The following OR8B3 variants were observed in gnomAD, a reference collection of about 807,000 sequenced individuals.
OR8B3 encodes olfactory receptor family 8 subfamily B member 3.
For missense variants in OR8B3, 278 were observed against 377.6 expected, an observed-to-expected ratio of 0.74 and a Z score of 2.19; for synonymous variants, 102 against 135.4, an observed-to-expected ratio of 0.75 and a Z score of 1.71.
chr11:124,397,357 G>A lies in OR8B3; in HGVS notation c.-6C>T, dbSNP rs1860907051. 2.3e-6 allele frequency: 3 copies of A among 1,288,120 alleles called. No homozygotes were observed. Among genetic ancestry groups the A allele is most frequent in the Non-Finnish European group, 1.1e-6 (1 of 930,696 alleles). 79.8% of individuals were successfully genotyped at this position (1,288,120 alleles called of 1,614,324 possible). A position where few individuals can be genotyped will look rare whatever the true frequency, so the allele number is the denominator to read the frequency against. ...GAGTTGTTTCTAGCCAGCATTTTTT[G>A]TCTTCAAAAATCTGGGAAGACAAAA... On this transcript the variant is annotated 5_prime_UTR_variant, in exon 2 of 2. Transcript: ENST00000641139.
the OR8B3 span, among the ~76,000 whole-genome samples, chr11:124,407,915 C>G: frequency 6.6e-6 from 1 of 152,110 alleles, no homozygotes; most frequent in East Asian, 1.9e-4. Context: ...ATCTTCCATT[C>G]CATGAATATC....
the OR8B3 span, among the ~76,000 whole-genome samples, chr11:124,409,592 C>A: frequency 6.6e-6 from 1 of 152,214 alleles, no homozygotes; most frequent in Non-Finnish European, 1.5e-5. Context: ...AAATCCTCTA[C>A]AGATGTTTAT....
chr11:124,403,101 C>T (rs1267473251), upstream of OR8B3, among the ~76,000 whole-genome samples: 1 of 152,166 alleles, frequency 6.6e-6, no homozygotes, highest in Non-Finnish European at 1.5e-5. Flanking sequence ...ATCCATTTAA[C>T]CCTGAGTGGA....
rs1287873033 is a variant in OR8B3, at chr11:124,396,183, G to T, written c.*227C>A. 8.1e-6 allele frequency: 4 copies of T among 493,360 alleles called. No individual in the cohort carries two copies. In the East Asian group the frequency reaches 1.4e-4, roughly 17 times the overall value. 30.6% of individuals were successfully genotyped at this position (493,360 alleles called of 1,614,324 possible). A position where few individuals can be genotyped will look rare whatever the true frequency, so the allele number is the denominator to read the frequency against. ...TAAAATGATAATGAAAAATATCAGTGCATATGTTCCTTTTACAAAGATGCC... is the reference window on the plus strand; with the variant it reads ...TAAAATGATAATGAAAAATATCAGTTCATATGTTCCTTTTACAAAGATGCC... On this transcript the variant is annotated 3_prime_UTR_variant, in exon 2 of 2. Coordinates refer to ENST00000641139, the MANE Select transcript of OR8B3 (RefSeq NM_001005467.2).
chr11:124,402,832 CTTCT>C (rs1451705290), upstream of OR8B3, among the ~76,000 whole-genome samples: 15 of 64,450 alleles, frequency 2.3e-4, no homozygotes, highest in South Asian at 6.6e-3. Context: ...ATAAATGATG[CTTCT>C]TTTTTTTTTT....
chr11:124,402,836 T>TC (rs1861017771), upstream of OR8B3, among the ~76,000 whole-genome samples: 1 of 8,588 alleles, frequency 1.2e-4, no homozygotes, highest in Non-Finnish European at 5.7e-4. Context: ...ATGATGCTTC[T>TC]TTTTTTTTTT....
rs768236256 is a variant in OR8B3 at position 124,396,872 on chromosome 11, G to C, written c.480C>G (p.Thr160=). The C allele has an allele frequency of 5.0e-6, 8 of 1,606,790 alleles. No homozygotes were observed. In the African/African-American group the frequency reaches 1.1e-4, roughly 22 times the overall value. ...IMGLAGATAH[T]GCMLRLTFCS... is the part of the protein sequence containing the mutation. ...AGAAGGTGAGTCTAAGCATGCACCC[G>C]GTGTGGGCCGTGGCTCCAGCCAATC... The change falls in exon 2 of 2, where the codon ACC becomes ACG. Residue 160 remains threonine (T), a synonymous_variant. Coordinates refer to ENST00000641139, the MANE Select transcript of OR8B3 (RefSeq NM_001005467.2).
At chr11:124,401,919 A>G (rs1448110495), upstream of OR8B3, among the ~76,000 whole-genome samples, 2 of 152,176 alleles carry the variant, frequency 1.3e-5, no homozygotes, top group Admixed American at 6.5e-5. Context: ...CTTGTCCACA[A>G]TGGTCTCTGT....
In OR8B3 at chr11:124,396,291, T is replaced by C; in HGVS notation, c.*119A>G. ...CAAGATGATTTCATAAGAGAAATGATAAGACAAGTTTATTAAATCACACAT... is the reference window on the plus strand; with the variant it reads ...CAAGATGATTTCATAAGAGAAATGACAAGACAAGTTTATTAAATCACACAT... On this transcript the variant is annotated 3_prime_UTR_variant, in exon 2 of 2. Coordinates refer to ENST00000641139, the MANE Select transcript of OR8B3 (RefSeq NM_001005467.2). 1 of 911,690 alleles carries C rather than the reference T, an allele frequency of 1.1e-6. No homozygotes were observed. Among genetic ancestry groups the C allele is most frequent in the Middle Eastern group, 3.3e-4 (1 of 2,992 alleles). The allele number at this position is 911,690 out of a possible 1,614,324, so 56.5% of individuals were successfully genotyped here.
At chr11:124,402,838 T>C (rs1240657635), upstream of OR8B3, among the ~76,000 whole-genome samples, 2 of 147,956 alleles carry the variant, frequency 1.4e-5, no homozygotes, top group African/African-American at 4.9e-5. Flanking sequence ...GATGCTTCTT[T>C]TTTTTTTTTT....
the OR8B3 span, among the ~76,000 whole-genome samples, chr11:124,406,765 G>T: frequency 5.1e-4 from 77 of 149,830 alleles, no homozygotes; most frequent in Admixed American, 8.7e-4. Flanking sequence ...TGGAATAAAA[G>T]AATTTGTTCT....
At position 124,396,792 on chromosome 11, in the gene OR8B3, A is replaced by G. The variant is rs1860884793; in HGVS notation, c.560T>C (p.Leu187Pro). ...GTTGACATAGGTGCTGGTGCAGGAA[A>G]GCTGGAGGAGGGGGAGTATGTCACA... is the stretch of plus-strand genomic sequence containing the variant. ...YLCDILPLLQ[L>P]SCTSTYVNEV... The change falls in exon 2 of 2, where the codon CTT becomes CCT. Residue 187 changes from leucine to proline, a missense_variant. Transcript: ENST00000641139. 3.7e-6 allele frequency: 6 copies of G among 1,612,164 alleles called. No individual in the cohort carries two copies. The African/African-American group carries it at 4.0e-5, about 11-fold the overall frequency.
chr11:124,405,733 C>T, the OR8B3 span, among the ~76,000 whole-genome samples: 1 of 152,200 alleles, frequency 6.6e-6, no homozygotes, highest in African/African-American at 2.4e-5. Context: ...GAATTTGTTT[C>T]ACGCCCTACA....
upstream of OR8B3, among the ~76,000 whole-genome samples, chr11:124,400,019 A>T (rs980491490): frequency 6.6e-6 from 1 of 151,688 alleles, no homozygotes; most frequent in Non-Finnish European, 1.5e-5. Context: ...TGCCACCACC[A>T]TTGGATAATT....
At chr11:124,397,672 T>G (rs1860913120) in intron 1 of OR8B3, among the ~76,000 whole-genome samples, 1 of 151,582 alleles carries the variant, frequency 6.6e-6, no homozygotes, top group African/African-American at 2.4e-5. Flanking sequence ...CTCCCTCGCT[T>G]CCATCTGGCC....
At chr11:124,406,793 CCACACACA>C in the OR8B3 span, among the ~76,000 whole-genome samples, 3,244 of 145,200 alleles carry the variant, frequency 0.022, 52 homozygotes, top group African/African-American at 0.039. Flanking sequence ...CTCCTTCTCA[CCACACACA>C]CACACACACA....
In OR8B3 at chr11:124,397,031, A is replaced by G. The variant is rs142812088; in HGVS notation, c.321T>C (p.Phe107=). Residue 107 remains phenylalanine (F), a synonymous_variant, in exon 2 of 2, where the codon TTT becomes TTC. Transcript: ENST00000641139. The stretch of plus-strand genomic sequence containing the variant: ...TCAACATGTAACATTCAGAGATGAC[A>G]AAAAAGAGAAAGAAAAACAGCTGAG... The part of the protein sequence containing the change: ...CMTQLFFFLF[F]VISECYMLTS... 275 of 1,612,516 alleles carry G rather than the reference A, an allele frequency of 1.7e-4. No individual in the cohort carries two copies. Among genetic ancestry groups the G allele is most frequent in the East Asian group, 5.1e-4 (23 of 44,860 alleles).
At chr11:124,403,929 A>G (rs1205968622), upstream of OR8B3, among the ~76,000 whole-genome samples, 1 of 152,198 alleles carries the variant, frequency 6.6e-6, no homozygotes, top group Non-Finnish European at 1.5e-5. Context: ...CGGCCAACAC[A>G]GCGAAACCCC....
upstream of OR8B3, among the ~76,000 whole-genome samples, chr11:124,401,710 G>A (rs145750731): frequency 6.6e-6 from 1 of 152,342 alleles, no homozygotes; most frequent in East Asian, 1.9e-4. Flanking sequence ...TCCATCAGCT[G>A]CTGTAAGAGA....
Sources: gnomAD v4.1 joint callset for allele counts (sites outside exome capture counted in the v4.1 genomes callset) on GRCh38, gnomAD v4.1.1 for gene constraint, MANE v1.5 for transcripts, NCBI Gene and HGNC (gene_info 2026-07-23, HGNC 2026-07-21) for gene names.